The following CLYBL variants were observed in gnomAD, a reference collection of about 807,000 sequenced individuals.
The protein encoded by CLYBL is citramalyl-CoA lyase.
CLYBL carries 31 observed loss-of-function variants against 38.9 expected under a neutral mutation model. That is an observed-to-expected ratio of 0.80 (90% CI 0.60 to 1.08). The LOEUF is 1.08. CLYBL is among the 50% of genes least tolerant of loss of function. The probability of loss-of-function intolerance (pLI) is 0.00; values close to 1 mark genes in which losing one functional copy is unlikely to be tolerated. For synonymous variants in CLYBL, 171 were observed against 158.6 expected, an observed-to-expected ratio of 1.08 and a Z score of -0.59; for missense variants, 434 against 411.6, an observed-to-expected ratio of 1.05 and a Z score of -0.47.
chr13:99,850,188 C>A (rs1268213923), intron 2 of CLYBL, among the ~76,000 whole-genome samples: 1 of 152,034 alleles, frequency 6.6e-6, no homozygotes, highest in Non-Finnish European at 1.5e-5. Context: ...CATAGGACAC[C>A]ATCAAGAAAA....
At chr13:99,644,410 T>C (rs1272658938) in intron 1 of CLYBL, among the ~76,000 whole-genome samples, 2 of 152,208 alleles carry the variant, frequency 1.3e-5, no homozygotes, top group Non-Finnish European at 2.9e-5. Flanking sequence ...ATTTATGGGG[T>C]ACATGAAATG....
chr13:99,670,825 A>G (rs763719694), intron 1 of CLYBL, among the ~76,000 whole-genome samples: 4 of 152,158 alleles, frequency 2.6e-5, no homozygotes, highest in African/African-American at 9.7e-5. Context: ...AATATTTTCC[A>G]TGGTCTTTAC....
rs2051842486 is a variant in CLYBL at position 99,869,955 on chromosome 13, T to G, written c.803-983T>G. 6.6e-6 allele frequency among the ~76,000 whole-genome samples: 1 copy of G among 152,156 alleles called. No homozygotes were observed. Among genetic ancestry groups the G allele is most frequent in the Admixed American group, 6.5e-5 (1 of 15,282 alleles). ...ATTAAATTATGTTGCATTTTATTAA[T>G]GATCTGATTGGATTCTACACTTCCC... is the stretch of plus-strand genomic sequence containing the variant. On this transcript the variant is annotated intron_variant, in intron 6 of 8. Coordinates refer to ENST00000339105, the MANE Select transcript of CLYBL (RefSeq NM_206808.5). The surrounding 1 kb of genome is among the most constrained non-coding windows in gnomAD (Gnocchi z 4.3).
intron 1 of CLYBL, among the ~76,000 whole-genome samples, chr13:99,674,142 CTTTTTTTTTTTTTTT>C (rs1167068936): frequency 1.2e-4 from 6 of 51,148 alleles, no homozygotes; most frequent in African/African-American, 2.6e-4. Flanking sequence ...TACTAGAATT[CTTTTTTTTTTTTTTT>C]TTTTTTTTTT....
chr13:99,842,330 T>G (rs2051102723), intron 2 of CLYBL, among the ~76,000 whole-genome samples: 1 of 152,160 alleles, frequency 6.6e-6, no homozygotes, highest in Non-Finnish European at 1.5e-5. Flanking sequence ...AATGAAAGTT[T>G]TTGACTGCTT....
intron 1 of CLYBL, among the ~76,000 whole-genome samples, chr13:99,644,926 C>T (rs2047155179): frequency 6.6e-6 from 1 of 152,172 alleles, no homozygotes; most frequent in African/African-American, 2.4e-5. Context: ...CTACCGATGG[C>T]CCCTTAGGTT....
In CLYBL at chr13:99,631,365, A is replaced by G. The variant is rs61974370; in HGVS notation, c.62+24608A>G. ...TGTGTGTGTGTGTGTGTGTGTGTGT[A>G]TGTATACACATATATAATTTATATG... is the stretch of plus-strand genomic sequence containing the variant. On this transcript the variant is annotated intron_variant, in intron 1 of 8. Transcript: ENST00000339105. Among the ~76,000 whole-genome samples the G allele has an allele frequency of 6.3e-4, 68 of 107,998 alleles. No homozygotes were observed. The South Asian group carries it at 0.016, about 25-fold the overall frequency. The allele number at this position is 107,998 out of a possible 152,430, so 70.9% of individuals were successfully genotyped here.
At chr13:99,833,530 CATAA>C (rs1449384459) in intron 2 of CLYBL, among the ~76,000 whole-genome samples, 1 of 151,862 alleles carries the variant, frequency 6.6e-6, no homozygotes. Context: ...TGAATTAATG[CATAA>C]ATAAGTCATT....
At chr13:99,666,062 G>A (rs1380885671) in intron 1 of CLYBL, among the ~76,000 whole-genome samples, 1 of 152,172 alleles carries the variant, frequency 6.6e-6, no homozygotes, top group Non-Finnish European at 1.5e-5. Context: ...AGAGTAAGAA[G>A]AATGATGAGG....
chr13:99,845,972 T>TAAAAA lies in CLYBL; in HGVS notation c.250-12883_250-12879dup, dbSNP rs10677824. Among the ~76,000 whole-genome samples, 1,404 of 148,044 alleles carry TAAAAA rather than the reference T, an allele frequency of 9.5e-3. 24 individuals carry two copies. The highest frequency in any genetic ancestry group is 0.031 in the African/African-American group (1,263 of 40,398). ...TAAAAATGCTTATATATTTGCCACC[T>TAAAAA]AAAAAAAAAACAAAGCCATTTTTCA... On this transcript the variant is annotated intron_variant, in intron 2 of 8. Coordinates refer to ENST00000339105, the MANE Select transcript of CLYBL (RefSeq NM_206808.5).
intron 1 of CLYBL, among the ~76,000 whole-genome samples, chr13:99,769,657 T>G (rs1409326010): frequency 6.6e-6 from 1 of 152,240 alleles, no homozygotes; most frequent in Non-Finnish European, 1.5e-5. Context: ...TTCAATTAGC[T>G]GGCAATAATA....
At chr13:99,810,507 CTG>C (rs895057037) in intron 2 of CLYBL, among the ~76,000 whole-genome samples, 16 of 152,114 alleles carry the variant, frequency 1.1e-4, no homozygotes, top group African/African-American at 3.6e-4. Context: ...TGCCAAGAAA[CTG>C]TGAGAAGCGA....
chr13:99,763,472 T>C (rs568869247), intron 1 of CLYBL, among the ~76,000 whole-genome samples: 29 of 152,282 alleles, frequency 1.9e-4, no homozygotes, highest in African/African-American at 6.7e-4. Flanking sequence ...ATCATGTTTA[T>C]TTATTTGCAT....
chr13:99,620,652 C>T (rs1847478110), intron 1 of CLYBL, among the ~76,000 whole-genome samples: 1 of 152,064 alleles, frequency 6.6e-6, no homozygotes, highest in African/African-American at 2.4e-5. Flanking sequence ...GGTCACACAC[C>T]TCTAATCTCA....
intron 1 of CLYBL, among the ~76,000 whole-genome samples, chr13:99,671,823 T>C (rs897855586): frequency 6.6e-6 from 1 of 151,508 alleles, no homozygotes; most frequent in African/African-American, 2.4e-5. Flanking sequence ...AAAGTCCTCC[T>C]AGTAGGTGAC....
At chr13:99,640,520 T>G (rs1487982525) in intron 1 of CLYBL, among the ~76,000 whole-genome samples, 1 of 152,256 alleles carries the variant, frequency 6.6e-6, no homozygotes, top group Non-Finnish European at 1.5e-5. Flanking sequence ...AGTGTTCTTT[T>G]GAGTAGTTGA....
chr13:99,660,831 A>C (rs2047398348), intron 1 of CLYBL, among the ~76,000 whole-genome samples: 1 of 151,834 alleles, frequency 6.6e-6, no homozygotes, highest in African/African-American at 2.4e-5. Context: ...TAAAATTAAC[A>C]TGTGGAAATG....
intron 1 of CLYBL, among the ~76,000 whole-genome samples, chr13:99,709,805 G>T (rs544545521): frequency 6.6e-6 from 1 of 151,994 alleles, no homozygotes; most frequent in South Asian, 2.1e-4. Context: ...ATAAATAGGG[G>T]ATGCAGAGAA....
At chr13:99,681,866 G>T (rs969987069) in intron 1 of CLYBL, among the ~76,000 whole-genome samples, 5 of 151,976 alleles carry the variant, frequency 3.3e-5, no homozygotes, top group Admixed American at 3.3e-4. Context: ...GATTACAGGT[G>T]TGAGCCACCA....
Sources: allele counts gnomAD v4.1 joint callset (sites outside exome capture counted in the v4.1 genomes callset), GRCh38; gene constraint gnomAD v4.1.1; non-coding constraint Gnocchi (gnomAD v3.1); transcripts MANE v1.5; gene names NCBI Gene and HGNC (gene_info 2026-07-23, HGNC 2026-07-21).